PPP2R2D: variants seen among roughly 807,000 people sequenced by gnomAD.
The protein encoded by PPP2R2D is protein phosphatase 2 regulatory subunit Bdelta.
Under a neutral mutation model 31.1 loss-of-function variants are expected in PPP2R2D, and 9 were observed. That is an observed-to-expected ratio of 0.29 (90% CI 0.17 to 0.51). The LOEUF (loss-of-function observed/expected upper bound fraction) is 0.51. Among genes scored for constraint, PPP2R2D ranks in the 20% least tolerant of loss-of-function variants. The probability of loss-of-function intolerance (pLI) is 0.98; values close to 1 mark genes in which losing one functional copy is unlikely to be tolerated. For missense variants in PPP2R2D, 391 were observed against 465.6 expected (o/e 0.84, Z 1.48); for synonymous variants, 179 against 172.6 (o/e 1.04, Z -0.29).
intron 2 of PPP2R2D, among the ~76,000 whole-genome samples, chr10:131,928,691 GCA>G (rs1554895265): frequency 6.6e-6 from 1 of 152,226 alleles, no homozygotes. Context: ...GAGGCTGGCG[GCA>G]GTGAAGATCC....
At position 131,956,005 on chromosome 10, in the gene PPP2R2D, G is replaced by A. The variant is rs1434360135; in HGVS notation, c.*42G>A. On this transcript the variant is annotated 3_prime_UTR_variant, in exon 9 of 9. Transcript: ENST00000455566. ...ACCAAGTCTTGTCTTGCATAGTTAA[G>A]CCGGACATTTTTCTGTCAGAGAAAA... is the stretch of plus-strand genomic sequence containing the variant. 2.2e-6 allele frequency: 3 copies of A among 1,391,618 alleles called. No individual in the cohort carries two copies. Among genetic ancestry groups the A allele is most frequent in the African/African-American group, 2.9e-5 (2 of 68,302 alleles). The allele number at this position is 1,391,618 out of a possible 1,614,324, so 86.2% of individuals were successfully genotyped here.
chr10:131,919,356 G>T lies in PPP2R2D; in HGVS notation c.101-15102G>T, dbSNP rs1183276879. ...TCAGGCGGGTGGAATGACAGTGTAG[G>T]GACCTCACGTGGGTGGAATGGCACA... On this transcript the variant is annotated intron_variant, in intron 2 of 8. Coordinates refer to ENST00000455566, the MANE Select transcript of PPP2R2D (RefSeq NM_018461.5). Among the ~76,000 whole-genome samples, 3 of 111,266 alleles carry T rather than the reference G, an allele frequency of 2.7e-5. 1 individual carries two copies. The highest frequency in any genetic ancestry group is 9.0e-5 in the Admixed American group (1 of 11,116). The allele number at this position is 111,266 out of a possible 152,430, so 73.0% of individuals were successfully genotyped here. A position where few individuals can be genotyped will look rare whatever the true frequency, so the allele number is the denominator to read the frequency against.
Position 131,917,660 on chromosome 10 carries a change from G to C in PPP2R2D, c.100+16330G>C, listed in dbSNP as rs181540220. Among the ~76,000 whole-genome samples the C allele has an allele frequency of 1.8e-3, 236 of 131,242 alleles. 7 individuals carry two copies. The highest frequency in any genetic ancestry group is 6.4e-3 in the African/African-American group (219 of 34,362). 86.1% of individuals were successfully genotyped at this position (131,242 alleles called of 152,430 possible). A position where few individuals can be genotyped will look rare whatever the true frequency, so the allele number is the denominator to read the frequency against. ...AGGCGGGTGGAATGACACAGTGTAG[G>C]GACCTCATGTGGGTGGAATGACAGT... is the stretch of plus-strand genomic sequence containing the variant. On this transcript the variant is annotated intron_variant, in intron 2 of 8. Transcript: ENST00000455566.
intron 2 of PPP2R2D, among the ~76,000 whole-genome samples, chr10:131,906,659 G>A (rs983939158): frequency 2.6e-5 from 4 of 151,624 alleles, no homozygotes; most frequent in Non-Finnish European, 4.4e-5. Flanking sequence ...GGTGGCTCAC[G>A]CCTGTAGTCT....
At chr10:131,929,159 T>A (rs1225448284) in intron 2 of PPP2R2D, among the ~76,000 whole-genome samples, 1 of 152,158 alleles carries the variant, frequency 6.6e-6, no homozygotes, top group Admixed American at 6.5e-5. Context: ...GGCACCCCCT[T>A]GGATTTCTGT....
Position 131,956,483 on chromosome 10 carries a change from C to T in PPP2R2D, c.*520C>T, listed in dbSNP as rs1044388656. 2.0e-5 allele frequency: 20 copies of T among 985,404 alleles called. No homozygotes were observed. The highest frequency in any genetic ancestry group is 4.7e-5 in the South Asian group (1 of 21,272). 61.0% of individuals were successfully genotyped at this position (985,404 alleles called of 1,614,324 possible). On this transcript the variant is annotated 3_prime_UTR_variant, in exon 9 of 9. Coordinates refer to ENST00000455566, the MANE Select transcript of PPP2R2D (RefSeq NM_018461.5). Reference sequence around the variant, plus strand: ...GGCGGCCCCACTCACCCACAGCATCCGCCGCCACCCCTTCGGGTGTGAGCG... The same window carrying T: ...GGCGGCCCCACTCACCCACAGCATCTGCCGCCACCCCTTCGGGTGTGAGCG...
At chr10:131,922,816 T>C (rs575303821) in intron 2 of PPP2R2D, among the ~76,000 whole-genome samples, 1 of 152,332 alleles carries the variant, frequency 6.6e-6, no homozygotes, top group Non-Finnish European at 1.5e-5. Flanking sequence ...CCTTTAGGTT[T>C]AAATAGGAAA....
chr10:131,905,306 T>C (rs966235014), intron 2 of PPP2R2D, among the ~76,000 whole-genome samples: 21 of 152,208 alleles, frequency 1.4e-4, no homozygotes, highest in Non-Finnish European at 3.1e-4. Context: ...TCCACGATGT[T>C]GCGGTTCTAA....
At chr10:131,927,898 A>AT (rs1189658666) in intron 2 of PPP2R2D, among the ~76,000 whole-genome samples, 35 of 152,182 alleles carry the variant, frequency 2.3e-4, no homozygotes, top group African/African-American at 7.7e-4. Flanking sequence ...TGCTGTGAAC[A>AT]TTCTCGTAAG....
At chr10:131,955,495 A>C (rs2036775742) in intron 8 of PPP2R2D, among the ~76,000 whole-genome samples, 189 bp from the exon 9 acceptor site, 1 of 152,204 alleles carries the variant, frequency 6.6e-6, no homozygotes, top group African/African-American at 2.4e-5. Context: ...ACATGATTAT[A>C]GATAAAGCTC....
At chr10:131,949,549 C>T (rs947831067) in intron 8 of PPP2R2D, among the ~76,000 whole-genome samples, 2 of 152,124 alleles carry the variant, frequency 1.3e-5, no homozygotes, top group Non-Finnish European at 2.9e-5. Flanking sequence ...GTCAGCAGAA[C>T]CACAGCAGAA....
intron 8 of PPP2R2D, among the ~76,000 whole-genome samples, chr10:131,952,159 G>A (rs1207948226): frequency 2.8e-5 from 3 of 107,924 alleles, no homozygotes; most frequent in Non-Finnish European, 5.5e-5. Context: ...TGTCTTAGCA[G>A]TGACTTGCGG....
At chr10:131,961,663 G>A (rs566564250), downstream of PPP2R2D, among the ~76,000 whole-genome samples, 1 of 152,294 alleles carries the variant, frequency 6.6e-6, no homozygotes, top group African/African-American at 2.4e-5. Flanking sequence ...CCCCGAAGCT[G>A]TGACAGGTGC....
At chr10:131,926,146 G>A (rs982411204) in intron 2 of PPP2R2D, among the ~76,000 whole-genome samples, 1 of 152,100 alleles carries the variant, frequency 6.6e-6, no homozygotes, top group African/African-American at 2.4e-5. Context: ...TCAGTAATTC[G>A]GATAAACTCA....
the PPP2R2D span, chr10:131,970,272 C>T: frequency 4.1e-6 from 1 of 245,152 alleles, no homozygotes. This position sits in a 1 kb window ranked among gnomAD's most constrained non-coding sequence, Gnocchi z 4.1. Context: ...CTGAGACCCT[C>T]CACCTACAGC....
Position 131,955,693 on chromosome 10 carries a change from G to T in PPP2R2D, c.1092G>T (p.Met364Ile). 1 of 1,459,824 alleles carries T rather than the reference G, an allele frequency of 6.9e-7. No individual in the cohort carries two copies. The highest frequency in any genetic ancestry group is 1.6e-5 in the South Asian group (1 of 63,354). The allele number at this position is 1,459,824 out of a possible 1,614,324, so 90.4% of individuals were successfully genotyped here. A position where few individuals can be genotyped will look rare whatever the true frequency, so the allele number is the denominator to read the frequency against. Residue 364 changes from methionine (M) to isoleucine (I), a missense_variant, in exon 9 of 9, where the codon ATG becomes ATT. Transcript: ENST00000455566. ...CCWNGSDSAI[M>I]TGSYNNFFRM... ...CTCTTGTTTTGAACAGCGCCATCAT[G>T]ACCGGGTCCTATAACAACTTCTTCA...
At chr10:131,948,640 G>A (rs782774372) in intron 8 of PPP2R2D, among the ~76,000 whole-genome samples, 2 of 152,230 alleles carry the variant, frequency 1.3e-5, no homozygotes, top group Non-Finnish European at 2.9e-5. Context: ...CGTCTATTCC[G>A]AGAGCAGCCT....
At chr10:131,922,044 T>G (rs1408376337) in intron 2 of PPP2R2D, among the ~76,000 whole-genome samples, 1 of 152,184 alleles carries the variant, frequency 6.6e-6, no homozygotes, top group Non-Finnish European at 1.5e-5. Flanking sequence ...AGATTTTCCT[T>G]GAAAAGAGTG....
rs2036561140 is a variant in PPP2R2D at position 131,947,329 on chromosome 10, A to G, written c.821-201A>G. On this transcript the variant is annotated intron_variant, in intron 7 of 8. Coordinates refer to ENST00000455566, the MANE Select transcript of PPP2R2D (RefSeq NM_018461.5). The surrounding 1 kb of genome is among the most constrained non-coding windows in gnomAD (Gnocchi z 4.3). The stretch of plus-strand genomic sequence containing the variant: ...CCATCCCTTGTCCATAGCTGGTGCT[A>G]GAATGTCTTATCCGAAGCTCTTGCC... 6.6e-6 allele frequency among the ~76,000 whole-genome samples: 1 copy of G among 152,182 alleles called. No homozygotes were observed. The highest frequency in any genetic ancestry group is 2.4e-5 in the African/African-American group (1 of 41,442).
Sources: allele counts gnomAD v4.1 joint callset (sites outside exome capture counted in the v4.1 genomes callset), GRCh38; gene constraint gnomAD v4.1.1; non-coding constraint Gnocchi (gnomAD v3.1); transcripts MANE v1.5; gene names NCBI Gene and HGNC (gene_info 2026-07-23, HGNC 2026-07-21).